ANGPT2: variants seen among roughly 807,000 people sequenced by gnomAD.
ANGPT2 encodes the protein angiopoietin 2.
ANGPT2 carries 28 observed loss-of-function variants against 62.9 expected under a neutral mutation model. That is an observed-to-expected ratio of 0.44 (90% CI 0.33 to 0.61). The LOEUF is 0.61. Among genes scored for constraint, ANGPT2 ranks in the 20% least tolerant of loss-of-function variants. The probability of loss-of-function intolerance (pLI) is 0.03; values close to 1 mark genes in which losing one functional copy is unlikely to be tolerated. For missense variants in ANGPT2, 727 were observed against 594.9 expected, an observed-to-expected ratio of 1.22 and a Z score of -2.31; for synonymous variants, 284 against 207.8, an observed-to-expected ratio of 1.37 and a Z score of -3.15.
intron 7 of ANGPT2, among the ~76,000 whole-genome samples, chr8:6,511,118 C>T (rs1272922512): frequency 6.6e-6 from 1 of 152,152 alleles, no homozygotes; most frequent in Non-Finnish European, 1.5e-5. Flanking sequence ...GTTAAATTAT[C>T]CCCAGAGGCA....
chr8:6,507,143 C>G (rs913660368), intron 8 of ANGPT2, among the ~76,000 whole-genome samples: 1 of 152,208 alleles, frequency 6.6e-6, no homozygotes, highest in African/African-American at 2.4e-5. Flanking sequence ...GGTGATCCAT[C>G]CACCTTGGCC....
At chr8:6,530,931 T>C (rs1819385379) in intron 2 of ANGPT2, among the ~76,000 whole-genome samples, 1 of 152,254 alleles carries the variant, frequency 6.6e-6, no homozygotes, top group African/African-American at 2.4e-5. Context: ...CTAGCATTTC[T>C]TGATCCTTTT....
chr8:6,558,388 A>G (rs1824990332), intron 1 of ANGPT2, among the ~76,000 whole-genome samples: 1 of 152,190 alleles, frequency 6.6e-6, no homozygotes, highest in Admixed American at 6.5e-5. Context: ...AATTACTCCC[A>G]TGGCGGTAGA....
chr8:6,559,672 T>C (rs1045373732), intron 1 of ANGPT2, among the ~76,000 whole-genome samples: 8 of 151,988 alleles, frequency 5.3e-5, no homozygotes, highest in African/African-American at 1.9e-4. Context: ...TTTCCTCTTA[T>C]CAGAAAAAAA....
intron 7 of ANGPT2, among the ~76,000 whole-genome samples, chr8:6,510,842 T>G (rs1202638047): frequency 1.3e-5 from 2 of 152,208 alleles, no homozygotes; most frequent in African/African-American, 4.8e-5. Context: ...CCCTAGAAAC[T>G]TCATCCTAAG....
At chr8:6,509,087 C>G in intron 7 of ANGPT2, 25 bp from the exon 8 acceptor site, 1 of 1,609,992 alleles carries the variant, frequency 6.2e-7, no homozygotes, top group Non-Finnish European at 8.5e-7. Flanking sequence ...AGAAAAAAAA[C>G]ACATTGGCTA....
At chr8:6,534,340 G>T (rs370971954) in intron 1 of ANGPT2, among the ~76,000 whole-genome samples, 4 of 152,024 alleles carry the variant, frequency 2.6e-5, no homozygotes, top group Non-Finnish European at 5.9e-5. Context: ...ACGAGAGGAT[G>T]TGTATAGGTT....
At position 6,540,830 on chromosome 8, in the gene ANGPT2, C is replaced by T. The variant is rs558155178; in HGVS notation, c.289-8343G>A. On this transcript the variant is annotated intron_variant, in intron 1 of 8. Transcript: ENST00000629816. ...GAACAGGCGCGGGAGGCAGGGGCGC[C>T]GCAGGGTGGTTCGCACACGTGGACT... is the stretch of plus-strand genomic sequence containing the variant. 1.1e-4 allele frequency among the ~76,000 whole-genome samples: 16 copies of T among 152,364 alleles called. No individual in the cohort carries two copies. In the South Asian group the frequency reaches 2.9e-3, roughly 28 times the overall value.
intron 7 of ANGPT2, 57 bp downstream of exon 7, chr8:6,513,621 C>G: frequency 2.0e-6 from 3 of 1,517,616 alleles, no homozygotes; most frequent in Non-Finnish European, 2.7e-6. Flanking sequence ...GCGTGAGCCA[C>G]CGTGCCCGGC....
At chr8:6,532,617 C>CA in intron 1 of ANGPT2, 130 bp from the exon 2 acceptor site, 3 of 670,324 alleles carry the variant, frequency 4.5e-6, no homozygotes, top group Non-Finnish European at 6.5e-6. Context: ...TGTACCTTGC[C>CA]TTCCTTTTGG....
intron 1 of ANGPT2, among the ~76,000 whole-genome samples, chr8:6,548,436 A>C (rs1279283887): frequency 6.6e-6 from 1 of 152,158 alleles, no homozygotes; most frequent in Non-Finnish European, 1.5e-5. Flanking sequence ...CATCTCAACC[A>C]TTATCCCCAG....
intron 1 of ANGPT2, among the ~76,000 whole-genome samples, chr8:6,548,909 T>C (rs1823080591): frequency 6.6e-6 from 1 of 152,254 alleles, no homozygotes. Context: ...CTGCCTGTTG[T>C]ATTTCACTAC....
intron 1 of ANGPT2, among the ~76,000 whole-genome samples, chr8:6,556,163 A>G (rs1824575960): frequency 6.6e-6 from 1 of 152,128 alleles, no homozygotes; most frequent in African/African-American, 2.4e-5. Flanking sequence ...TTTATTTTTA[A>G]TAAAAACAAA....
At chr8:6,517,038 G>C (rs1816393168) in intron 5 of ANGPT2, among the ~76,000 whole-genome samples, 1 of 152,158 alleles carries the variant, frequency 6.6e-6, no homozygotes, top group Admixed American at 6.5e-5. Context: ...TGTAAAAACT[G>C]GAGTATTATG....
At chr8:6,514,131 C>CA (rs1815750401) in intron 6 of ANGPT2, among the ~76,000 whole-genome samples, 1 of 152,188 alleles carries the variant, frequency 6.6e-6, no homozygotes, top group African/African-American at 2.4e-5. Flanking sequence ...GAATGTGAAG[C>CA]ACCATTAAAC....
chr8:6,535,157 A>G (rs1333566794), intron 1 of ANGPT2, among the ~76,000 whole-genome samples: 1 of 152,210 alleles, frequency 6.6e-6, no homozygotes, highest in East Asian at 1.9e-4. Context: ...CTTAAGAGCT[A>G]AATAAAAATT....
chr8:6,520,402 C>G (rs1045803128), intron 4 of ANGPT2, among the ~76,000 whole-genome samples: 4 of 152,118 alleles, frequency 2.6e-5, no homozygotes, highest in African/African-American at 7.2e-5. Flanking sequence ...ATCATGACCC[C>G]ATTGCCTGCC....
chr8:6,536,089 A>T (rs914192052), intron 1 of ANGPT2, among the ~76,000 whole-genome samples: 2 of 152,028 alleles, frequency 1.3e-5, no homozygotes, highest in African/African-American at 4.8e-5. Flanking sequence ...TAAAAGTAAA[A>T]ATACTTATGT....
chr8:6,514,534 A>C, intron 6 of ANGPT2, 143 bp downstream of exon 6: 1 of 713,966 alleles, frequency 1.4e-6, no homozygotes, highest in East Asian at 2.6e-5. Context: ...GCCATTCTTT[A>C]AAGGGGAGAC....
Sources: gnomAD v4.1 joint callset for allele counts (sites outside exome capture counted in the v4.1 genomes callset) on GRCh38, gnomAD v4.1.1 for gene constraint, MANE v1.5 for transcripts, NCBI Gene and HGNC (gene_info 2026-07-23, HGNC 2026-07-21) for gene names.